The following BMERB1 variants were observed in gnomAD, a reference collection of about 807,000 sequenced individuals.
The protein encoded by BMERB1 is bMERB domain-containing protein 1.
BMERB1 carries 12 observed loss-of-function variants against 23.6 expected under a neutral mutation model. The ratio of observed to expected loss-of-function variants is 0.51; its 90% CI spans 0.33 to 0.82. BMERB1 has a LOEUF of 0.82. BMERB1 is among the 40% of genes least tolerant of loss of function. BMERB1 has a pLI of 0.03. For missense variants in BMERB1, 247 were observed against 255.4 expected (o/e 0.97, Z 0.22); for synonymous variants, 122 against 96.6 (o/e 1.26, Z -1.54).
intron 1 of BMERB1, among the ~76,000 whole-genome samples, chr16:15,444,064 C>T (rs1235479523): frequency 2.1e-5 from 3 of 145,230 alleles, no homozygotes; most frequent in Admixed American, 1.4e-4. Context: ...TTCAGGTAAG[C>T]TGTCTGCCCC....
At chr16:15,568,114 C>G in intron 3 of BMERB1, 58 bp downstream of exon 3, 2 of 1,451,768 alleles carry the variant, frequency 1.4e-6, no homozygotes, top group South Asian at 2.3e-5. Flanking sequence ...CCCAGCCTGG[C>G]CCATCTGTAC....
chr16:15,559,562 A>G (rs192796475), intron 2 of BMERB1, among the ~76,000 whole-genome samples: 2 of 152,356 alleles, frequency 1.3e-5, no homozygotes, highest in African/African-American at 2.4e-5. Flanking sequence ...GACTGCTGTG[A>G]CGGTCTAGAA....
chr16:15,437,675 A>C (rs894762157), intron 1 of BMERB1, among the ~76,000 whole-genome samples: 1 of 152,116 alleles, frequency 6.6e-6, no homozygotes, highest in African/African-American at 2.4e-5. Context: ...AGTCAGGTAT[A>C]AGGCCAGGCG....
chr16:15,460,405 C>G (rs979690737), intron 1 of BMERB1, among the ~76,000 whole-genome samples: 2 of 152,130 alleles, frequency 1.3e-5, no homozygotes, highest in Non-Finnish European at 2.9e-5. Flanking sequence ...GGAACAGATG[C>G]ATACTTCAAG....
At chr16:15,521,086 C>G (rs1411641987) in intron 2 of BMERB1, among the ~76,000 whole-genome samples, 3 of 152,124 alleles carry the variant, frequency 2.0e-5, no homozygotes, top group African/African-American at 4.8e-5. Flanking sequence ...ATGTAAACTC[C>G]TAGTTTTAGT....
chr16:15,586,394 T>G (rs887172507), intron 5 of BMERB1, among the ~76,000 whole-genome samples: 3 of 152,182 alleles, frequency 2.0e-5, no homozygotes, highest in Non-Finnish European at 4.4e-5. Context: ...ATTTATCTAT[T>G]TACCAAATAC....
At chr16:15,505,459 G>C (rs1158587085) in intron 1 of BMERB1, among the ~76,000 whole-genome samples, 1 of 151,734 alleles carries the variant, frequency 6.6e-6, no homozygotes. Flanking sequence ...GCAGGCTATA[G>C]TATTTAGCAA....
chr16:15,538,980 A>G (rs764859277), intron 2 of BMERB1, among the ~76,000 whole-genome samples: 6 of 151,994 alleles, frequency 3.9e-5, no homozygotes, highest in South Asian at 4.2e-4. Flanking sequence ...ATGGAAGACA[A>G]TTTTTCCATG....
chr16:15,524,941 C>G (rs2051892262), intron 2 of BMERB1, among the ~76,000 whole-genome samples: 1 of 152,150 alleles, frequency 6.6e-6, no homozygotes, highest in East Asian at 1.9e-4. Context: ...ACCACCTAGA[C>G]TCCATTGGGT....
At chr16:15,469,063 G>A (rs548564161) in intron 1 of BMERB1, among the ~76,000 whole-genome samples, 1 of 151,448 alleles carries the variant, frequency 6.6e-6, no homozygotes, top group African/African-American at 2.4e-5. Context: ...CACCTCCTGG[G>A]TTCAAGTGAT....
intron 1 of BMERB1, among the ~76,000 whole-genome samples, chr16:15,457,780 C>A (rs1036658857): frequency 5.3e-5 from 8 of 152,272 alleles, no homozygotes; most frequent in African/African-American, 1.9e-4. Context: ...CATTCTCACG[C>A]TGCTATAAAG....
intron 1 of BMERB1, among the ~76,000 whole-genome samples, chr16:15,444,937 C>A (rs1233512433): frequency 6.6e-6 from 1 of 152,166 alleles, no homozygotes; most frequent in Non-Finnish European, 1.5e-5. Context: ...TGCTCCATTG[C>A]CCATATGGGA....
At chr16:15,446,428 C>A (rs1015862277) in intron 1 of BMERB1, among the ~76,000 whole-genome samples, 1 of 152,098 alleles carries the variant, frequency 6.6e-6, no homozygotes, top group Non-Finnish European at 1.5e-5. Flanking sequence ...TAAGAAATAA[C>A]ATGCATGAAG....
intron 2 of BMERB1, among the ~76,000 whole-genome samples, chr16:15,545,616 G>A (rs1309979440): frequency 1.3e-5 from 2 of 152,220 alleles, no homozygotes; most frequent in South Asian, 2.1e-4. Context: ...GATCAAGAAA[G>A]CCCCAGAGAC....
chr16:15,586,526 A>G (rs1261393192), intron 5 of BMERB1, among the ~76,000 whole-genome samples, 191 bp from the exon 6 acceptor site: 1 of 151,160 alleles, frequency 6.6e-6, no homozygotes, highest in Non-Finnish European at 1.5e-5. Context: ...AATGAGGACT[A>G]TAAAATGAGG....
At chr16:15,486,851 C>T (rs532541123) in intron 1 of BMERB1, among the ~76,000 whole-genome samples, 2 of 152,144 alleles carry the variant, frequency 1.3e-5, no homozygotes, top group Non-Finnish European at 2.9e-5. Flanking sequence ...TAACCTGTCT[C>T]TGTGCCTTCG....
intron 2 of BMERB1, among the ~76,000 whole-genome samples, chr16:15,519,406 C>A (rs1168311887): frequency 6.6e-6 from 1 of 152,040 alleles, no homozygotes; most frequent in Non-Finnish European, 1.5e-5. Context: ...ATTTTTATTT[C>A]TTGTGACAGA....
chr16:15,482,460 C>T (rs1267119056), intron 1 of BMERB1, among the ~76,000 whole-genome samples: 1 of 152,114 alleles, frequency 6.6e-6, no homozygotes, highest in Non-Finnish European at 1.5e-5. Context: ...CTGAATCCTG[C>T]ATTGATTTGT....
At chr16:15,545,193 G>A (rs944716618) in intron 2 of BMERB1, among the ~76,000 whole-genome samples, 3 of 151,906 alleles carry the variant, frequency 2.0e-5, no homozygotes, top group Non-Finnish European at 2.9e-5. Flanking sequence ...GGCTGGTCTC[G>A]AACTCCTGAC....
Sources: gnomAD v4.1 joint callset for allele counts (sites outside exome capture counted in the v4.1 genomes callset) on GRCh38, gnomAD v4.1.1 for gene constraint, MANE v1.5 for transcripts, NCBI Gene and HGNC (gene_info 2026-07-23, HGNC 2026-07-21) for gene names.